The following PTPRN2 variants were observed in gnomAD, a reference collection of about 807,000 sequenced individuals.
The protein encoded by PTPRN2 is receptor-type tyrosine-protein phosphatase N2.
PTPRN2 carries 74 observed loss-of-function variants against 118.8 expected under a neutral mutation model. That is an observed-to-expected ratio of 0.62 (90% CI 0.52 to 0.76). The LOEUF (loss-of-function observed/expected upper bound fraction) is 0.76, where lower values mean the gene tolerates loss of function less well. Ranked by LOEUF, PTPRN2 falls within the 30% of genes least tolerant of loss-of-function variation. The probability of loss-of-function intolerance (pLI) is 0.00; values close to 1 mark genes in which losing one functional copy is unlikely to be tolerated. For missense variants in PTPRN2, 1,481 were observed against 1,394.4 expected, an observed-to-expected ratio of 1.06 and a Z score of -0.99; for synonymous variants, 641 against 608.0, an observed-to-expected ratio of 1.05 and a Z score of -0.80.
At chr7:158,330,753 T>C (rs1804201889) in intron 2 of PTPRN2, among the ~76,000 whole-genome samples, 1 of 112,474 alleles carries the variant, frequency 8.9e-6, no homozygotes, top group Admixed American at 9.8e-5. Flanking sequence ...ACCCACACTC[T>C]CACCATAAGA....
chr7:157,905,988 C>T (rs767892962), intron 11 of PTPRN2, among the ~76,000 whole-genome samples: 13 of 152,194 alleles, frequency 8.5e-5, no homozygotes, highest in African/African-American at 2.2e-4. Flanking sequence ...GCTGCCTCAA[C>T]GCTGCCACTT....
chr7:157,952,964 A>G (rs1800928799), intron 11 of PTPRN2, among the ~76,000 whole-genome samples: 1 of 151,916 alleles, frequency 6.6e-6, no homozygotes, highest in South Asian at 2.1e-4. Context: ...CCATGCACAC[A>G]GTGAAGGGGA....
At position 158,475,180 on chromosome 7, in the gene PTPRN2, C is replaced by A. The variant is rs79192028; in HGVS notation, c.163+14555G>T. ...GGCTCAGGACCCGAAAAGCAACAAG[C>A]TCCCAGAGGAGCAGCCTGTGGATGC... On this transcript the variant is annotated intron_variant, in intron 2 of 22. Coordinates refer to ENST00000389418, the MANE Select transcript of PTPRN2 (RefSeq NM_002847.5). Among the ~76,000 whole-genome samples the A allele has an allele frequency of 4.5e-3, 540 of 121,132 alleles. 23 individuals are homozygous for A. The South Asian group carries it at 0.078, about 17-fold the overall frequency. The allele number at this position is 121,132 out of a possible 152,430, so 79.5% of individuals were successfully genotyped here. A position where few individuals can be genotyped will look rare whatever the true frequency, so the allele number is the denominator to read the frequency against.
intron 12 of PTPRN2, among the ~76,000 whole-genome samples, chr7:157,790,664 AAAT>A (rs1386599217): frequency 1.3e-5 from 2 of 152,258 alleles, no homozygotes; most frequent in Middle Eastern, 3.2e-3. Context: ...GTCAAAATCT[AAAT>A]AATAAACAAT....
intron 11 of PTPRN2, among the ~76,000 whole-genome samples, chr7:157,989,566 T>C (rs1248701790): frequency 6.6e-6 from 1 of 151,854 alleles, no homozygotes; most frequent in African/African-American, 2.4e-5. Flanking sequence ...CTGTAGCCCT[T>C]TCCTTTCTGC....
chr7:158,380,795 C>A (rs1294552533), intron 2 of PTPRN2, among the ~76,000 whole-genome samples: 1 of 152,264 alleles, frequency 6.6e-6, no homozygotes, highest in African/African-American at 2.4e-5. Context: ...GAGCCAACTT[C>A]TGCCTGGGCA....
chr7:158,552,748 G>A (rs190570162), intron 1 of PTPRN2, among the ~76,000 whole-genome samples: 28 of 152,298 alleles, frequency 1.8e-4, no homozygotes, highest in African/African-American at 5.8e-4. Flanking sequence ...TGCATGGCCC[G>A]ATACTTTCAT....
chr7:158,326,381 T>C (rs1255932109), intron 2 of PTPRN2, among the ~76,000 whole-genome samples: 7 of 152,176 alleles, frequency 4.6e-5, no homozygotes, highest in Non-Finnish European at 1.0e-4. Flanking sequence ...GCAGACTCAG[T>C]CGGCCAGTGT....
rs577003130 is a variant in PTPRN2 at position 158,289,668 on chromosome 7, G to A, written c.277+27151C>T. Among the ~76,000 whole-genome samples the A allele has an allele frequency of 2.0e-4, 29 of 141,466 alleles. 1 individual carries two copies. The highest frequency in any genetic ancestry group is 7.1e-3 in the Middle Eastern group (2 of 280). The allele number at this position is 141,466 out of a possible 152,430, so 92.8% of individuals were successfully genotyped here. On this transcript the variant is annotated intron_variant, in intron 3 of 22. Transcript: ENST00000389418. ...ATTTGTTTATCTCCATTTCTTTGGA[G>A]TCTGCTGCTGGGAGATTATTGTGGT...
At chr7:158,554,223 C>T (rs1204040928) in intron 1 of PTPRN2, among the ~76,000 whole-genome samples, 1 of 152,320 alleles carries the variant, frequency 6.6e-6, no homozygotes, top group East Asian at 1.9e-4. Flanking sequence ...TGAGATCGCG[C>T]CACTGCACTC....
chr7:158,155,547 T>A, intron 6 of PTPRN2, among the ~76,000 whole-genome samples: 1 of 80,922 alleles, frequency 1.2e-5, no homozygotes, highest in Middle Eastern at 5.3e-3. Flanking sequence ...ATCATCACCA[T>A]CAACACCATC....
intron 12 of PTPRN2, among the ~76,000 whole-genome samples, chr7:157,731,809 T>C (rs78238479): frequency 1.6e-4 from 7 of 44,374 alleles, no homozygotes; most frequent in South Asian, 9.9e-4. Flanking sequence ...GTTACCCTTT[T>C]CCGCCCCATG....
rs1363052854 is a variant in PTPRN2 at position 157,611,931 on chromosome 7, G to A, written c.2345-7856C>T. Among the ~76,000 whole-genome samples, 2 of 152,166 alleles carry A rather than the reference G, an allele frequency of 1.3e-5. No individual in the cohort carries two copies. The highest frequency in any genetic ancestry group is 1.9e-4 in the East Asian group (1 of 5,186). On this transcript the variant is annotated intron_variant, in intron 15 of 22. Transcript: ENST00000389418. This position sits in a 1 kb window ranked among gnomAD's most constrained non-coding sequence, Gnocchi z 5.9. ...GGAGGGAGAGCGCCCGTGTGAAGACGAAGACAGCCGTGGTCGTGCTGAGGA... is the reference window on the plus strand; with the variant it reads ...GGAGGGAGAGCGCCCGTGTGAAGACAAAGACAGCCGTGGTCGTGCTGAGGA...
chr7:158,330,048 C>A (rs1359753642), intron 2 of PTPRN2, among the ~76,000 whole-genome samples: 3 of 150,594 alleles, frequency 2.0e-5, no homozygotes, highest in African/African-American at 2.5e-5. Context: ...CTGCAGACGT[C>A]ACTCACACCC....
chr7:157,709,637 T>G (rs1424150984), intron 12 of PTPRN2, among the ~76,000 whole-genome samples: 1 of 152,200 alleles, frequency 6.6e-6, no homozygotes, highest in Non-Finnish European at 1.5e-5. Flanking sequence ...CCCACAGGAA[T>G]GGGCGGTCCT....
chr7:157,659,808 G>T (rs766758228), intron 13 of PTPRN2, among the ~76,000 whole-genome samples: 1 of 151,926 alleles, frequency 6.6e-6, no homozygotes, highest in Non-Finnish European at 1.5e-5. Context: ...GGAGAGGCAC[G>T]ATCTCGGCTC....
chr7:158,001,969 C>T (rs1311442691), intron 11 of PTPRN2, among the ~76,000 whole-genome samples: 1 of 152,206 alleles, frequency 6.6e-6, no homozygotes, highest in Non-Finnish European at 1.5e-5. Context: ...GTCTCCAGGT[C>T]CTGGGATCAC....
In PTPRN2 at chr7:157,578,597, T is replaced by A. The variant is rs141921399; in HGVS notation, c.2497-457A>T. 3.2e-3 allele frequency among the ~76,000 whole-genome samples: 481 copies of A among 152,368 alleles called. 3 individuals are homozygous for A. The highest frequency in any genetic ancestry group is 0.011 in the African/African-American group (459 of 41,582). ...TCCGAAAGGCTTCTTTTCAAAGTAC[T>A]TCACGGAAAGCAGTACTGCACTGCT... On this transcript the variant is annotated intron_variant, in intron 17 of 22. Transcript: ENST00000389418.
In PTPRN2 at chr7:157,866,832, C is replaced by A. The variant is rs1318249341; in HGVS notation, c.1788+31841G>T. Among the ~76,000 whole-genome samples, 2 of 105,808 alleles carry A rather than the reference C, an allele frequency of 1.9e-5. 1 individual carries two copies. The highest frequency in any genetic ancestry group is 7.4e-5 in the African/African-American group (2 of 27,074). The allele number at this position is 105,808 out of a possible 152,430, so 69.4% of individuals were successfully genotyped here. A position where few individuals can be genotyped will look rare whatever the true frequency, so the allele number is the denominator to read the frequency against. The stretch of plus-strand genomic sequence containing the variant: ...GCCCTGGATACATGGCCACCACCGC[C>A]CCCCCCCGACGCCCTGGATACACGG... On this transcript the variant is annotated intron_variant, in intron 12 of 22. Transcript: ENST00000389418.
Sources: allele counts gnomAD v4.1 joint callset (sites outside exome capture counted in the v4.1 genomes callset), GRCh38; gene constraint gnomAD v4.1.1; non-coding constraint Gnocchi (gnomAD v3.1); transcripts MANE v1.5; gene names NCBI Gene and HGNC (gene_info 2026-07-23, HGNC 2026-07-21).